Variants in FAM13A observed in about 807,000 individuals in gnomAD.
The protein encoded by FAM13A is family with sequence similarity 13 member A, also known as protein FAM13A.
FAM13A carries 76 observed loss-of-function variants against 129.6 expected under a neutral mutation model. The ratio of observed to expected loss-of-function variants is 0.59; its 90% CI spans 0.49 to 0.71. The LOEUF is 0.71. Ranked by LOEUF, FAM13A falls within the 30% of genes least tolerant of loss-of-function variation. The pLI is 0.00. For missense variants in FAM13A, 1,108 were observed against 1,249.3 expected, an observed-to-expected ratio of 0.89 and a Z score of 1.70; for synonymous variants, 443 against 449.9, an observed-to-expected ratio of 0.98 and a Z score of 0.20.
At chr4:88,893,536 T>C (rs1301285362) in intron 6 of FAM13A, among the ~76,000 whole-genome samples, 1 of 150,924 alleles carries the variant, frequency 6.6e-6, no homozygotes, top group African/African-American at 2.4e-5. Flanking sequence ...GACAGGAGAA[T>C]GGCGTGAACC....
chr4:88,872,476 G>T (rs1049803731), intron 6 of FAM13A, among the ~76,000 whole-genome samples: 4 of 152,060 alleles, frequency 2.6e-5, no homozygotes, highest in African/African-American at 9.7e-5. Flanking sequence ...ATAAAAGCAG[G>T]GGTTGCAATC....
In FAM13A at chr4:88,834,221, A is replaced by G. The variant is rs1268984461; in HGVS notation, c.1007+16799T>C. Reference sequence around the variant, plus strand: ...GCCGCCATGCCTGGCAAAAAAAAAAAAAATCCATTTCAGAAAATTAGACTC... The same window carrying G: ...GCCGCCATGCCTGGCAAAAAAAAAAGAAATCCATTTCAGAAAATTAGACTC... On this transcript the variant is annotated intron_variant, in intron 7 of 23. Coordinates refer to ENST00000264344, the MANE Select transcript of FAM13A (RefSeq NM_014883.4). Among the ~76,000 whole-genome samples the G allele has an allele frequency of 2.0e-5, 3 of 151,794 alleles. No homozygotes were observed. The East Asian group carries it at 5.8e-4, about 29-fold the overall frequency.
At chr4:88,793,577 C>G (rs1179302339) in intron 8 of FAM13A, among the ~76,000 whole-genome samples, 2 of 151,874 alleles carry the variant, frequency 1.3e-5, no homozygotes, top group Admixed American at 6.6e-5. Context: ...AAGTTCTGGT[C>G]TTGGCTCTGC....
chr4:89,016,405 A>G (rs1283552103), intron 3 of FAM13A, among the ~76,000 whole-genome samples: 1 of 152,168 alleles, frequency 6.6e-6, no homozygotes, highest in Admixed American at 6.5e-5. Context: ...ATTACTGAAG[A>G]CAAAACAAAT....
chr4:88,728,910 A>C (rs2149376103), intron 23 of FAM13A: 1 of 343,764 alleles, frequency 2.9e-6, no homozygotes, highest in African/African-American at 2.1e-5. Flanking sequence ...AAGAAGGCTA[A>C]GAAATGCAGA....
rs987339125 is a variant in FAM13A at position 89,023,897 on chromosome 4, T to C, written c.218-3228A>G. On this transcript the variant is annotated intron_variant, in intron 2 of 23. Transcript: ENST00000264344. ...ACCTTTAAATTTTCCTACTCTAAAA[T>C]TGTAGAAAGTTATGACTGTAACAAA... is the stretch of plus-strand genomic sequence containing the variant. Among the ~76,000 whole-genome samples the C allele has an allele frequency of 2.6e-5, 4 of 152,162 alleles. No homozygotes were observed. The South Asian group carries it at 8.3e-4, about 32-fold the overall frequency.
chr4:88,872,300 A>G (rs868198455), intron 6 of FAM13A, among the ~76,000 whole-genome samples: 108 of 152,320 alleles, frequency 7.1e-4, no homozygotes, highest in African/African-American at 2.4e-3. Flanking sequence ...AACAATATTA[A>G]CCTTAAATGT....
intron 7 of FAM13A, among the ~76,000 whole-genome samples, chr4:88,847,099 T>C (rs767851930): frequency 1.3e-5 from 2 of 152,214 alleles, no homozygotes; most frequent in Non-Finnish European, 2.9e-5. Context: ...TCTTCACAGA[T>C]ACAGTAGATC....
intron 5 of FAM13A, among the ~76,000 whole-genome samples, chr4:88,919,985 G>A (rs987161501): frequency 2.0e-5 from 3 of 152,202 alleles, no homozygotes; most frequent in Non-Finnish European, 4.4e-5. Flanking sequence ...AGGCGGCAGC[G>A]AGGCTGGGGG....
At chr4:88,989,839 AT>A (rs1278535329) in intron 4 of FAM13A, 1 of 152,182 alleles carries the variant, frequency 6.6e-6, no homozygotes, top group Non-Finnish European at 1.5e-5. Flanking sequence ...TTACAAATTC[AT>A]TTTTACCTGT....
intron 7 of FAM13A, among the ~76,000 whole-genome samples, chr4:88,843,802 A>G (rs1013942594): frequency 6.6e-6 from 1 of 152,206 alleles, no homozygotes; most frequent in Non-Finnish European, 1.5e-5. Context: ...CGAGCCTTGT[A>G]AAACAATGAA....
At chr4:88,977,000 CTA>C (rs1761007418) in intron 4 of FAM13A, among the ~76,000 whole-genome samples, 1 of 152,102 alleles carries the variant, frequency 6.6e-6, no homozygotes, top group Non-Finnish European at 1.5e-5. Context: ...TAAGCACACT[CTA>C]TGATATTCAC....
At chr4:88,969,596 G>C (rs1759805672) in intron 4 of FAM13A, among the ~76,000 whole-genome samples, 1 of 152,218 alleles carries the variant, frequency 6.6e-6, no homozygotes, top group South Asian at 2.1e-4. Flanking sequence ...AACATGCCAA[G>C]CTTATCCTCA....
At chr4:88,909,974 C>T (rs1356369373) in intron 5 of FAM13A, among the ~76,000 whole-genome samples, 3 of 152,080 alleles carry the variant, frequency 2.0e-5, no homozygotes, top group Non-Finnish European at 4.4e-5. Flanking sequence ...GGTAAGAGAC[C>T]TCGGGTTTGT....
intron 7 of FAM13A, among the ~76,000 whole-genome samples, chr4:88,816,480 CTGCTACG>C (rs1304252997): frequency 6.6e-6 from 1 of 152,160 alleles, no homozygotes; most frequent in Non-Finnish European, 1.5e-5. Context: ...TACTGAGTAC[CTGCTACG>C]TGCCTAACAT....
intron 1 of FAM13A, among the ~76,000 whole-genome samples, chr4:89,050,541 A>C (rs1771453337): frequency 1.3e-5 from 2 of 152,052 alleles, no homozygotes; most frequent in African/African-American, 4.8e-5. Flanking sequence ...CAAATAAAAA[A>C]CAGCTTTTTT....
chr4:88,815,520 C>T (rs1730555922), intron 7 of FAM13A, among the ~76,000 whole-genome samples: 1 of 152,128 alleles, frequency 6.6e-6, no homozygotes, highest in African/African-American at 2.4e-5. Context: ...CAGAGCTTAT[C>T]TTAAAATGAT....
At position 88,781,161 on chromosome 4, in the gene FAM13A, T is replaced by G; in HGVS notation, c.1458+4A>C. Reference sequence around the variant, plus strand: ...AGTAAAACTTTATAGACGTATTCACTTACCACAAGACCGTCCTGATTGTCA... The same window carrying G: ...AGTAAAACTTTATAGACGTATTCACGTACCACAAGACCGTCCTGATTGTCA... On this transcript the variant is annotated splice_donor_region_variant and intron_variant, in intron 11 of 23. Coordinates refer to ENST00000264344, the MANE Select transcript of FAM13A (RefSeq NM_014883.4). 6.3e-7 allele frequency: 1 copy of G among 1,574,832 alleles called. No individual in the cohort carries two copies. The highest frequency in any genetic ancestry group is 8.6e-7 in the Non-Finnish European group (1 of 1,158,954).
At chr4:88,865,878 C>CTTTTTTTT (rs34865210) in intron 6 of FAM13A, among the ~76,000 whole-genome samples, 2 of 83,198 alleles carry the variant, frequency 2.4e-5, no homozygotes, top group African/African-American at 5.2e-5. Flanking sequence ...TTGTCTCTCT[C>CTTTTTTTT]TTTTTTTTTT....
Sources: gnomAD v4.1 joint callset for allele counts (sites outside exome capture counted in the v4.1 genomes callset) on GRCh38, gnomAD v4.1.1 for gene constraint, MANE v1.5 for transcripts, NCBI Gene and HGNC (gene_info 2026-07-23, HGNC 2026-07-21) for gene names.